The following RCOR1 variants were observed in gnomAD, a reference collection of about 807,000 sequenced individuals.
RCOR1 encodes REST corepressor 1.
In RCOR1, 12 loss-of-function variants were observed where a neutral mutation model predicts 64.0. That is an observed-to-expected ratio of 0.19 (90% confidence interval 0.12 to 0.30). The LOEUF is 0.30. Among genes scored for constraint, RCOR1 ranks in the 10% least tolerant of loss-of-function variants. The pLI is 1.00. For missense variants in RCOR1, 502 were observed against 621.2 expected (o/e 0.81, Z 2.04); for synonymous variants, 279 against 227.2 (o/e 1.23, Z -2.05).
At chr14:102,724,797 C>T (rs1896229724) in intron 11 of RCOR1, among the ~76,000 whole-genome samples, 1 of 152,148 alleles carries the variant, frequency 6.6e-6, no homozygotes. Context: ...TGCTGGCTTA[C>T]TTGTCTGTCT....
chr14:102,721,367 C>T lies in RCOR1; in HGVS notation c.1179C>T (p.Leu393=), dbSNP rs746761085. The T allele has an allele frequency of 6.8e-6, 11 of 1,613,136 alleles. No homozygotes were observed. The highest frequency in any genetic ancestry group is 1.3e-5 in the African/African-American group (1 of 74,894). Reference sequence around the variant, plus strand: ...GTTGGACTACAGAAGAGCAGCTTCTCGCCGTACAAGGTAGGGGGAAGTTCT... The same window carrying T: ...GTTGGACTACAGAAGAGCAGCTTCTTGCCGTACAAGGTAGGGGGAAGTTCT... ...NARWTTEEQL[L]AVQAIRKYGR... is the part of the protein sequence containing the mutation. The change falls in exon 10 of 12, where the codon CTC becomes CTT. Residue 393 remains leucine (L), a synonymous_variant. Coordinates refer to ENST00000262241, the MANE Select transcript of RCOR1 (RefSeq NM_015156.4).
chr14:102,603,524 G>T (rs937374631), intron 2 of RCOR1, among the ~76,000 whole-genome samples: 2 of 152,010 alleles, frequency 1.3e-5, no homozygotes, highest in East Asian at 3.9e-4. Flanking sequence ...GGGGTTTCAG[G>T]TTTTGTTGGT....
chr14:102,701,838 G>A (rs529314792), intron 4 of RCOR1, among the ~76,000 whole-genome samples: 46 of 152,194 alleles, frequency 3.0e-4, no homozygotes, highest in African/African-American at 1.1e-3. Context: ...CGTAATTCTC[G>A]TGCCTCGGCC....
chr14:102,702,119 A>C (rs1175256713), intron 4 of RCOR1, among the ~76,000 whole-genome samples: 1 of 152,230 alleles, frequency 6.6e-6, no homozygotes, highest in African/African-American at 2.4e-5. Context: ...ATTAATCTAG[A>C]TCTTACAACC....
chr14:102,633,110 A>G (rs978741454), intron 2 of RCOR1, among the ~76,000 whole-genome samples: 1 of 151,440 alleles, frequency 6.6e-6, no homozygotes, highest in African/African-American at 2.4e-5. Context: ...GTGCCTGGCC[A>G]GCTGTTTTCA....
rs575235357 is a variant in RCOR1 at position 102,704,717 on chromosome 14, A to G, written c.499-2634A>G. ...AGTGCTGGGATTATAGGCGTGAGCC[A>G]CCGCGCCCAGCCCCCTTCTAGGATT... On this transcript the variant is annotated intron_variant, in intron 4 of 11. Transcript: ENST00000262241. Among the ~76,000 whole-genome samples the G allele has an allele frequency of 1.3e-4, 20 of 152,366 alleles. No homozygotes were observed. In the South Asian group the frequency reaches 1.4e-3, roughly 11 times the overall value.
At chr14:102,643,492 G>A (rs1045617172) in intron 2 of RCOR1, 4 of 219,680 alleles carry the variant, frequency 1.8e-5, no homozygotes, top group Non-Finnish European at 3.1e-5. Flanking sequence ...ACTGAAAAGC[G>A]GTGGTAGTGA....
At chr14:102,710,903 T>G (rs1895943775) in intron 6 of RCOR1, 32 bp from the exon 7 acceptor site, 1 of 1,493,820 alleles carries the variant, frequency 6.7e-7, no homozygotes, top group African/African-American at 1.4e-5. Flanking sequence ...TAGTACAAAA[T>G]AATCATTCAG....
At chr14:102,707,248 T>C (rs1012195934) in intron 4 of RCOR1, 103 bp from the exon 5 acceptor site, 3 of 970,046 alleles carry the variant, frequency 3.1e-6, no homozygotes, top group Non-Finnish European at 4.6e-6. Flanking sequence ...GATGAGTTAG[T>C]TTGTCTAAAT....
At chr14:102,645,089 A>G (rs188203873) in intron 2 of RCOR1, among the ~76,000 whole-genome samples, 3 of 152,224 alleles carry the variant, frequency 2.0e-5, no homozygotes, top group South Asian at 2.1e-4. Context: ...CTCTGTGTCA[A>G]TTTGTAACCT....
At chr14:102,616,333 G>A (rs1374570509) in intron 2 of RCOR1, among the ~76,000 whole-genome samples, 1 of 151,676 alleles carries the variant, frequency 6.6e-6, no homozygotes, top group Non-Finnish European at 1.5e-5. Flanking sequence ...GCAGTGGTGC[G>A]ATCACAGCTC....
intron 2 of RCOR1, among the ~76,000 whole-genome samples, chr14:102,675,955 G>A (rs1029802144): frequency 6.6e-6 from 1 of 151,770 alleles, no homozygotes; most frequent in African/African-American, 2.4e-5. Flanking sequence ...TTTTGTTGCT[G>A]TGTACTGTTC....
intron 2 of RCOR1, among the ~76,000 whole-genome samples, chr14:102,645,093 G>A (rs1470112080): frequency 6.6e-6 from 1 of 152,074 alleles, no homozygotes; most frequent in African/African-American, 2.4e-5. Flanking sequence ...GTGTCAATTT[G>A]TAACCTACTA....
Position 102,593,026 on chromosome 14 carries a change from C to G in RCOR1, c.140C>G (p.Ser47Trp), listed in dbSNP as rs1893163415. ...GCCTCGCCAGCCGCCACTGCCGCCT[C>G]GGGCGCCGCCGCCTCCTCAGCCTCG... ...ACASPAATAA[S>W]GAAASSASAA... The change falls in exon 1 of 12, where the codon TCG (serine) becomes TGG (tryptophan). Residue 47 changes from serine (S) to tryptophan (W), a missense_variant. Physicochemically the swap from Ser to Trp is radical, Grantham distance 177. Around this residue, in one of 2 missense-constraint regions of RCOR1, gnomAD observed 242 missense variants for 204.9 expected, o/e 1.18. Coordinates refer to ENST00000262241, the MANE Select transcript of RCOR1 (RefSeq NM_015156.4). 5 of 1,256,890 alleles carry G rather than the reference C, an allele frequency of 4.0e-6. No homozygotes were observed. The highest frequency in any genetic ancestry group is 5.0e-6 in the Non-Finnish European group (5 of 994,080). 77.9% of individuals were successfully genotyped at this position (1,256,890 alleles called of 1,614,324 possible).
intron 2 of RCOR1, among the ~76,000 whole-genome samples, chr14:102,614,676 G>T (rs570150198): frequency 1.3e-5 from 2 of 152,022 alleles, no homozygotes; most frequent in East Asian, 1.9e-4. Context: ...TTTTTGTACC[G>T]CATTCTTAGT....
chr14:102,644,862 G>A (rs1427027988), intron 2 of RCOR1, among the ~76,000 whole-genome samples: 2 of 152,180 alleles, frequency 1.3e-5, no homozygotes, highest in African/African-American at 4.8e-5. Context: ...GCCTGGGAAT[G>A]ATTGTTTCAG....
In RCOR1 at chr14:102,727,582, C is replaced by A. The variant is rs1393071793; in HGVS notation, c.*1076C>A. ...TTCCGCGTTCTCTCGGTGTGCCTGG[C>A]CTTTTATGTGGCACTCTGTATGTCA... On this transcript the variant is annotated 3_prime_UTR_variant, in exon 12 of 12. Coordinates refer to ENST00000262241, the MANE Select transcript of RCOR1 (RefSeq NM_015156.4). The A allele has an allele frequency of 2.6e-5, 4 of 151,512 alleles. No homozygotes were observed. 9.4% of individuals were successfully genotyped at this position (151,512 alleles called of 1,614,324 possible).
intron 2 of RCOR1, among the ~76,000 whole-genome samples, chr14:102,627,995 C>T (rs1243180432): frequency 1.3e-5 from 2 of 148,622 alleles, no homozygotes; most frequent in Admixed American, 6.6e-5. Context: ...AATTGACCGA[C>T]ATGACTGTGA....
At chr14:102,644,520 C>G (rs1157849366) in intron 2 of RCOR1, among the ~76,000 whole-genome samples, 4 of 152,206 alleles carry the variant, frequency 2.6e-5, no homozygotes, top group Non-Finnish European at 4.4e-5. Flanking sequence ...CTTCTTGTCA[C>G]TTGTGCTCAC....
Sources: allele counts gnomAD v4.1 joint callset (sites outside exome capture counted in the v4.1 genomes callset), GRCh38; gene constraint gnomAD v4.1.1; regional missense constraint gnomAD v4.1.1; transcripts MANE v1.5; gene names NCBI Gene and HGNC (gene_info 2026-07-23, HGNC 2026-07-21).